Variants in SCHIP1 observed in about 807,000 individuals in gnomAD.
SCHIP1 encodes the protein schwannomin interacting protein 1, also known as schwannomin-interacting protein 1.
In SCHIP1, 8 loss-of-function variants were observed where a neutral mutation model predicts 29.7. That is an observed-to-expected ratio of 0.27 (90% CI 0.16 to 0.49). The LOEUF (loss-of-function observed/expected upper bound fraction) is 0.49. Ranked by LOEUF, SCHIP1 falls within the 20% of genes least tolerant of loss-of-function variation. The pLI is 0.99. For missense variants in SCHIP1, 193 were observed against 294.6 expected (o/e 0.66, Z 2.52); for synonymous variants, 76 against 94.9 (o/e 0.80, Z 1.16).
the SCHIP1 span, among the ~76,000 whole-genome samples, chr3:159,809,579 C>T: frequency 2.7e-4 from 41 of 150,368 alleles, no homozygotes; most frequent in South Asian, 8.4e-3. Flanking sequence ...AATGGTTGAA[C>T]TAATTTATGT....
At chr3:159,796,585 C>T in the SCHIP1 span, among the ~76,000 whole-genome samples, 1 of 152,096 alleles carries the variant, frequency 6.6e-6, no homozygotes, top group African/African-American at 2.4e-5. Context: ...ATCTGCTTAG[C>T]TACAGCCCCC....
the SCHIP1 span, among the ~76,000 whole-genome samples, chr3:159,360,166 T>C: frequency 1.3e-5 from 2 of 152,200 alleles, no homozygotes; most frequent in African/African-American, 4.8e-5. Context: ...CCAGGGACCA[T>C]TAAGCTTTCA....
At chr3:159,717,265 C>A in the SCHIP1 span, among the ~76,000 whole-genome samples, 1 of 152,126 alleles carries the variant, frequency 6.6e-6, no homozygotes, top group African/African-American at 2.4e-5. Context: ...ACTAAATGCC[C>A]ACAAGAGAAA....
the SCHIP1 span, among the ~76,000 whole-genome samples, chr3:159,381,136 G>T: frequency 1.3e-5 from 2 of 152,074 alleles, no homozygotes; most frequent in African/African-American, 4.8e-5. Flanking sequence ...TTTATTTTTA[G>T]AGTTACACAA....
chr3:159,346,445 G>A, the SCHIP1 span, among the ~76,000 whole-genome samples: 1 of 151,614 alleles, frequency 6.6e-6, no homozygotes, highest in Non-Finnish European at 1.5e-5. Context: ...TATGGTTTAG[G>A]AAAAAAATGA....
At chr3:159,554,510 T>A in the SCHIP1 span, among the ~76,000 whole-genome samples, 1 of 152,126 alleles carries the variant, frequency 6.6e-6, no homozygotes, top group African/African-American at 2.4e-5. Flanking sequence ...CTAGCTAGGT[T>A]TAGTCAATGG....
the SCHIP1 span, among the ~76,000 whole-genome samples, chr3:159,358,005 G>T: frequency 6.6e-6 from 1 of 152,238 alleles, no homozygotes; most frequent in African/African-American, 2.4e-5. Context: ...GAAGGTAAGG[G>T]TGGTGATATT....
chr3:159,800,966 G>GC, the SCHIP1 span, among the ~76,000 whole-genome samples: 4 of 145,036 alleles, frequency 2.8e-5, no homozygotes, highest in Non-Finnish European at 6.1e-5. Context: ...AACTAAGTCT[G>GC]TTTTTTTTTT....
At chr3:159,654,537 C>T in the SCHIP1 span, among the ~76,000 whole-genome samples, 1 of 152,070 alleles carries the variant, frequency 6.6e-6, no homozygotes, top group Non-Finnish European at 1.5e-5. Context: ...ATCTCTCCAC[C>T]TCCTTACTCC....
chr3:159,449,030 C>A, the SCHIP1 span, among the ~76,000 whole-genome samples: 1 of 152,178 alleles, frequency 6.6e-6, no homozygotes, highest in African/African-American at 2.4e-5. Context: ...CTGCTATTCC[C>A]GTCCATGTCT....
the SCHIP1 span, among the ~76,000 whole-genome samples, chr3:159,687,230 A>G: frequency 6.6e-6 from 1 of 152,014 alleles, no homozygotes; most frequent in Non-Finnish European, 1.5e-5. Flanking sequence ...TCAGATCCAC[A>G]AACTTATCTG....
the SCHIP1 span, among the ~76,000 whole-genome samples, chr3:159,560,326 A>C: frequency 6.6e-6 from 1 of 152,172 alleles, no homozygotes. Context: ...TTACTATTGA[A>C]TTGTGCTCAG....
the SCHIP1 span, among the ~76,000 whole-genome samples, chr3:159,602,995 C>T: frequency 1.3e-5 from 2 of 152,202 alleles, no homozygotes; most frequent in African/African-American, 4.8e-5. Flanking sequence ...TTGTCCCCCA[C>T]TTTCAATGCC....
chr3:159,634,921 G>A, the SCHIP1 span, among the ~76,000 whole-genome samples: 10 of 152,226 alleles, frequency 6.6e-5, no homozygotes, highest in East Asian at 1.9e-3. Context: ...ATCATGGGTG[G>A]CAAACAAAGC....
At chr3:159,414,287 G>A in the SCHIP1 span, among the ~76,000 whole-genome samples, 747 of 152,220 alleles carry the variant, frequency 4.9e-3, 5 homozygotes, top group African/African-American at 0.016. Flanking sequence ...CATCCTACAC[G>A]TCAACATTAT....
the SCHIP1 span, among the ~76,000 whole-genome samples, chr3:159,787,004 G>A: frequency 6.6e-6 from 1 of 152,166 alleles, no homozygotes; most frequent in East Asian, 1.9e-4. Flanking sequence ...GACTGGCAAG[G>A]AGAAGACTTG....
At chr3:159,653,408 A>C in the SCHIP1 span, among the ~76,000 whole-genome samples, 20 of 152,218 alleles carry the variant, frequency 1.3e-4, no homozygotes, top group Admixed American at 2.0e-4. Flanking sequence ...CTATACAGCC[A>C]TAAAAATAAT....
chr3:159,393,999 G>A, the SCHIP1 span, among the ~76,000 whole-genome samples: 1 of 151,910 alleles, frequency 6.6e-6, no homozygotes, highest in Admixed American at 6.6e-5. Context: ...TTGAGCAATG[G>A]TTTGTAGTTC....
the SCHIP1 span, among the ~76,000 whole-genome samples, chr3:159,569,363 T>C: frequency 6.6e-6 from 1 of 152,162 alleles, no homozygotes; most frequent in East Asian, 1.9e-4. Flanking sequence ...TTCCCCGCCC[T>C]GTGTTCAAGT....
Sources: allele counts gnomAD v4.1 joint callset (sites outside exome capture counted in the v4.1 genomes callset), GRCh38; gene constraint gnomAD v4.1.1; transcripts MANE v1.5; gene names NCBI Gene and HGNC (gene_info 2026-07-23, HGNC 2026-07-21).